NELL1: variants seen among roughly 807,000 people sequenced by gnomAD.
The protein encoded by NELL1 is neural EGFL like 1.
NELL1 carries 76 observed loss-of-function variants against 107.4 expected under a neutral mutation model. That is an observed-to-expected ratio of 0.71 (90% CI 0.59 to 0.86). The LOEUF (loss-of-function observed/expected upper bound fraction) is 0.86. NELL1 is among the 40% of genes least tolerant of loss of function. NELL1 has a pLI of 0.00. For missense variants in NELL1, 1,024 were observed against 1,005.5 expected, an observed-to-expected ratio of 1.02 and a Z score of -0.25; for synonymous variants, 353 against 341.2, an observed-to-expected ratio of 1.03 and a Z score of -0.38.
chr11:20,674,565 T>A (rs907727222), intron 1 of NELL1: 8 of 1,523,264 alleles, frequency 5.3e-6, no homozygotes. Flanking sequence ...AGCAATCCCT[T>A]CAGGGAGGCA....
chr11:20,931,972 C>T (rs1274088436), intron 9 of NELL1, among the ~76,000 whole-genome samples: 1 of 152,118 alleles, frequency 6.6e-6, no homozygotes, highest in Non-Finnish European at 1.5e-5. Context: ...TGCTCACTCA[C>T]TGAGTGTTCA....
In NELL1 at chr11:21,174,955, A is replaced by C. The variant is rs1028090128; in HGVS notation, c.1427-54377A>C. Among the ~76,000 whole-genome samples, 5 of 151,680 alleles carry C rather than the reference A, an allele frequency of 3.3e-5. 1 individual carries two copies. The highest frequency in any genetic ancestry group is 1.2e-4 in the African/African-American group (5 of 41,028). ...AAAGCACTCTAAATTTCTGTACCTT[A>C]ATTATGAGTAGTCGTGAATCACATG... On this transcript the variant is annotated intron_variant, in intron 13 of 19. Transcript: ENST00000357134.
At chr11:20,820,506 T>C (rs1391631034) in intron 3 of NELL1, among the ~76,000 whole-genome samples, 1 of 152,190 alleles carries the variant, frequency 6.6e-6, no homozygotes, top group Non-Finnish European at 1.5e-5. Flanking sequence ...TTAGCACTCT[T>C]AAATTTCTTC....
At chr11:21,210,760 C>G (rs12577682) in intron 13 of NELL1, among the ~76,000 whole-genome samples, 37,085 of 152,022 alleles carry the variant, frequency 0.24, 6,591 homozygotes, top group African/African-American at 0.5. Context: ...CACAAAATCA[C>G]TGTGATAAAT....
chr11:21,340,722 G>A (rs1590852616), intron 14 of NELL1, among the ~76,000 whole-genome samples: 1 of 151,884 alleles, frequency 6.6e-6, no homozygotes, highest in East Asian at 1.9e-4. Flanking sequence ...CAAATATTGG[G>A]GTGATATTTC....
chr11:20,809,197 T>C (rs1857448482), intron 3 of NELL1, among the ~76,000 whole-genome samples: 1 of 152,192 alleles, frequency 6.6e-6, no homozygotes, highest in Non-Finnish European at 1.5e-5. Flanking sequence ...ATTATTGATA[T>C]TCTAACTGAA....
intron 2 of NELL1, among the ~76,000 whole-genome samples, chr11:20,686,879 T>C (rs955586476): frequency 7.2e-5 from 11 of 152,030 alleles, no homozygotes; most frequent in Admixed American, 6.6e-4. Flanking sequence ...ATATATTTAG[T>C]TGGTCTCAAA....
At chr11:21,168,970 A>G (rs1856544731) in intron 13 of NELL1, among the ~76,000 whole-genome samples, 1 of 151,942 alleles carries the variant, frequency 6.6e-6, no homozygotes, top group African/African-American at 2.4e-5. Flanking sequence ...ATATGACTCA[A>G]TTCTGTATTG....
intron 15 of NELL1, among the ~76,000 whole-genome samples, chr11:21,517,452 T>A (rs1343664201): frequency 1.3e-5 from 2 of 152,164 alleles, no homozygotes; most frequent in African/African-American, 4.8e-5. Flanking sequence ...TAATAGCTGT[T>A]CCCCTTGGGC....
chr11:21,056,330 T>C (rs1185142739), intron 12 of NELL1, among the ~76,000 whole-genome samples: 2 of 152,140 alleles, frequency 1.3e-5, no homozygotes, highest in Non-Finnish European at 2.9e-5. Context: ...TTTGCTAACT[T>C]TTAGAAGTCA....
At chr11:21,519,841 T>G (rs1201919294) in intron 15 of NELL1, among the ~76,000 whole-genome samples, 1 of 152,184 alleles carries the variant, frequency 6.6e-6, no homozygotes, top group Non-Finnish European at 1.5e-5. Context: ...AGTGTAATTA[T>G]AGTCCAGGTT....
chr11:21,234,448 A>G (rs1294601768), intron 14 of NELL1, among the ~76,000 whole-genome samples: 1 of 152,150 alleles, frequency 6.6e-6, no homozygotes, highest in Non-Finnish European at 1.5e-5. Context: ...TCACTCCCTG[A>G]CCAGTGCACC....
intron 4 of NELL1, among the ~76,000 whole-genome samples, chr11:20,862,553 C>G (rs1848996845): frequency 7.0e-6 from 1 of 143,346 alleles, no homozygotes; most frequent in Non-Finnish European, 1.5e-5. Context: ...TATACAGCAT[C>G]ATAGTAACGT....
intron 16 of NELL1, among the ~76,000 whole-genome samples, chr11:21,548,643 G>A (rs1189523633): frequency 3.3e-5 from 5 of 151,760 alleles, no homozygotes; most frequent in African/African-American, 7.3e-5. Context: ...GCTACAAGAC[G>A]AGATTTGGGT....
At chr11:21,504,347 T>G (rs961341149) in intron 15 of NELL1, 2 of 152,218 alleles carry the variant, frequency 1.3e-5, no homozygotes, top group African/African-American at 2.4e-5. Context: ...ATTAGCACCA[T>G]GCAGAGATTA....
intron 11 of NELL1, among the ~76,000 whole-genome samples, 182 bp from the exon 12 acceptor site, chr11:20,960,250 C>T (rs1851262922): frequency 6.6e-6 from 1 of 152,128 alleles, no homozygotes; most frequent in African/African-American, 2.4e-5. Context: ...GCCTCTTACG[C>T]CTTGGACAGC....
intron 14 of NELL1, among the ~76,000 whole-genome samples, chr11:21,246,839 G>A (rs903270012): frequency 1.2e-4 from 19 of 152,134 alleles, no homozygotes; most frequent in Non-Finnish European, 2.2e-4. Flanking sequence ...ACCTTACATG[G>A]TGGCAAGCCA....
chr11:20,813,668 A>G (rs1204550449), intron 3 of NELL1, among the ~76,000 whole-genome samples: 1 of 152,152 alleles, frequency 6.6e-6, no homozygotes, highest in Non-Finnish European at 1.5e-5. Context: ...TCAAAACATG[A>G]TTATGTATTT....
At chr11:20,692,661 T>C (rs1413743437) in intron 2 of NELL1, among the ~76,000 whole-genome samples, 2 of 151,998 alleles carry the variant, frequency 1.3e-5, no homozygotes, top group Non-Finnish European at 2.9e-5. Context: ...CAGTTTGTTA[T>C]AGTTTCTGTT....
Sources: allele counts gnomAD v4.1 joint callset (sites outside exome capture counted in the v4.1 genomes callset), GRCh38; gene constraint gnomAD v4.1.1; transcripts MANE v1.5; gene names NCBI Gene and HGNC (gene_info 2026-07-23, HGNC 2026-07-21).